PPP2R2A: variants seen among roughly 807,000 people sequenced by gnomAD.
PPP2R2A encodes the protein serine/threonine-protein phosphatase 2A 55 kDa regulatory subunit B alpha isoform.
PPP2R2A carries 9 observed loss-of-function variants against 53.2 expected under a neutral mutation model. The ratio of observed to expected loss-of-function variants is 0.17; its 90% confidence interval spans 0.10 to 0.30. PPP2R2A has a LOEUF of 0.30. PPP2R2A is among the 10% of genes least tolerant of loss of function. The pLI is 1.00. For synonymous variants in PPP2R2A, 169 were observed against 174.2 expected, an observed-to-expected ratio of 0.97 and a Z score of 0.23; for missense variants, 235 against 534.6, an observed-to-expected ratio of 0.44 and a Z score of 5.53.
At chr8:26,342,112 A>G (rs1803971901) in intron 3 of PPP2R2A, among the ~76,000 whole-genome samples, 1 of 152,194 alleles carries the variant, frequency 6.6e-6, no homozygotes, top group Non-Finnish European at 1.5e-5. Flanking sequence ...TATAACTAAT[A>G]TATTTGTATA....
intron 7 of PPP2R2A, 48 bp from the exon 8 acceptor site, chr8:26,363,673 G>T: frequency 1.4e-6 from 2 of 1,415,856 alleles, no homozygotes; most frequent in Non-Finnish European, 1.9e-6. Flanking sequence ...GTCCAAGCCA[G>T]AATATTGTAC....
chr8:26,356,252 A>T (rs3808569), intron 4 of PPP2R2A, among the ~76,000 whole-genome samples: 22,966 of 152,150 alleles, frequency 0.15, 2,003 homozygotes, highest in East Asian at 0.43. Flanking sequence ...CATCTAATTG[A>T]TGCCCCTCGT....
intron 3 of PPP2R2A, among the ~76,000 whole-genome samples, chr8:26,339,425 CATA>C (rs1251856503): frequency 1.3e-5 from 2 of 152,090 alleles, no homozygotes; most frequent in African/African-American, 4.8e-5. Context: ...GATGTCAGTT[CATA>C]ATAATACTGT....
At chr8:26,363,035 G>GGGGGC (rs1318938675) in intron 7 of PPP2R2A, 187 bp downstream of exon 7, 1 of 561,268 alleles carries the variant, frequency 1.8e-6, no homozygotes, top group Non-Finnish European at 3.1e-6. Flanking sequence ...AGCTCTCTTG[G>GGGGGC]GGGGCATGTC....
rs1427527078 is a variant in PPP2R2A at position 26,370,140 on chromosome 8, C to T, written c.1071C>T (p.Val357=). The T allele has an allele frequency of 1.9e-6, 3 of 1,613,746 alleles. No homozygotes were observed. Among genetic ancestry groups the T allele is most frequent in the Admixed American group, 1.7e-5 (1 of 60,012 alleles). Residue 357 remains valine, a synonymous_variant, in exon 10 of 10, where the codon GTC becomes GTT. Transcript: ENST00000380737. This position sits in a 1 kb window ranked among gnomAD's most constrained non-coding sequence, Gnocchi z 6.1. Reference sequence around the variant, plus strand: ...GTACTGTCTATTTTCACAGTGTTGTCATGACTGGATCTTACAATAATTTCT... The same window carrying T: ...GTACTGTCTATTTTCACAGTGTTGTTATGACTGGATCTTACAATAATTTCT... ...ECCWNGSDSV[V]MTGSYNNFFR... is the part of the protein sequence containing the mutation.
At chr8:26,293,370 G>A in intron 1 of PPP2R2A, 2 of 1,171,596 alleles carry the variant, frequency 1.7e-6, no homozygotes, top group South Asian at 1.4e-5. Flanking sequence ...TTTTCTGGTA[G>A]GTCTTGCCTG....
At chr8:26,297,360 G>A (rs1215254378) in intron 2 of PPP2R2A, among the ~76,000 whole-genome samples, 2 of 151,938 alleles carry the variant, frequency 1.3e-5, no homozygotes, top group African/African-American at 4.8e-5. Flanking sequence ...CACCTGCCTC[G>A]GCCTCCCAAA....
chr8:26,351,074 G>T (rs887003893), intron 3 of PPP2R2A, among the ~76,000 whole-genome samples: 4 of 151,978 alleles, frequency 2.6e-5, no homozygotes, highest in East Asian at 1.9e-4. Context: ...TCATTTTTTT[G>T]AATAGTATAT....
chr8:26,369,063 G>T (rs1469337839), intron 9 of PPP2R2A, among the ~76,000 whole-genome samples: 1 of 149,204 alleles, frequency 6.7e-6, no homozygotes, highest in African/African-American at 2.5e-5. Context: ...AGCCGAGATC[G>T]CACCACTGCA....
chr8:26,328,507 T>G (rs1034758571), intron 2 of PPP2R2A, among the ~76,000 whole-genome samples: 1 of 152,216 alleles, frequency 6.6e-6, no homozygotes, highest in African/African-American at 2.4e-5. Context: ...CCATCTATTA[T>G]CAAAGTTTCC....
At chr8:26,340,530 G>A (rs183712591) in intron 3 of PPP2R2A, among the ~76,000 whole-genome samples, 1 of 152,112 alleles carries the variant, frequency 6.6e-6, no homozygotes, top group African/African-American at 2.4e-5. Context: ...TTTTGCCCTA[G>A]GCTTAACATT....
chr8:26,291,555 T>TGCC lies in PPP2R2A; in HGVS notation c.-254_-252dup, dbSNP rs951566394. ...AAGTGGAGTCGCCTGCCCCTGCCGC[T>TGCC]GCCGCCGCCGCCGTCGCTGTCGTAG... On this transcript the variant is annotated 5_prime_UTR_variant, in exon 1 of 10. Coordinates refer to ENST00000380737, the MANE Select transcript of PPP2R2A (RefSeq NM_002717.4). 23 of 501,974 alleles carry TGCC rather than the reference T, an allele frequency of 4.6e-5. No individual in the cohort carries two copies. The highest frequency in any genetic ancestry group is 5.3e-4 in the Middle Eastern group (1 of 1,882). The allele number at this position is 501,974 out of a possible 1,614,324, so 31.1% of individuals were successfully genotyped here. A position where few individuals can be genotyped will look rare whatever the true frequency, so the allele number is the denominator to read the frequency against.
chr8:26,362,490 G>A lies in PPP2R2A; in HGVS notation c.638-194G>A, dbSNP rs1488195613. ...ACTGCACTCCAGCCTGGGTGACAGA[G>A]TGAAACTCCGTCTAAATAAAAATTA... On this transcript the variant is annotated intron_variant, in intron 6 of 9. Transcript: ENST00000380737. This position sits in a 1 kb window ranked among gnomAD's most constrained non-coding sequence, Gnocchi z 4.4. 6.6e-6 allele frequency among the ~76,000 whole-genome samples: 1 copy of A among 152,024 alleles called. No individual in the cohort carries two copies. The highest frequency in any genetic ancestry group is 1.5e-5 in the Non-Finnish European group (1 of 68,016).
At chr8:26,366,931 A>G (rs887052214) in intron 9 of PPP2R2A, among the ~76,000 whole-genome samples, 1 of 152,088 alleles carries the variant, frequency 6.6e-6, no homozygotes, top group Non-Finnish European at 1.5e-5. Context: ...CCTTTTTCGT[A>G]TTCATTTTTA....
chr8:26,313,538 G>A (rs949378269), intron 2 of PPP2R2A, among the ~76,000 whole-genome samples: 8 of 152,178 alleles, frequency 5.3e-5, no homozygotes, highest in African/African-American at 4.8e-5. Flanking sequence ...AGAAATCTGC[G>A]TCCTAATCTC....
At chr8:26,329,824 T>C (rs1803277830) in intron 2 of PPP2R2A, among the ~76,000 whole-genome samples, 1 of 152,218 alleles carries the variant, frequency 6.6e-6, no homozygotes, top group South Asian at 2.1e-4. Flanking sequence ...TACTTTGAAA[T>C]GTTGGGATTT....
intron 1 of PPP2R2A, chr8:26,293,287 G>A (rs1158212975): frequency 6.5e-7 from 1 of 1,531,708 alleles, no homozygotes; most frequent in East Asian, 2.4e-5. Flanking sequence ...TTTCATGGTA[G>A]TTTAACCTTA....
chr8:26,312,623 T>C (rs149786973), intron 2 of PPP2R2A, among the ~76,000 whole-genome samples: 3 of 152,342 alleles, frequency 2.0e-5, no homozygotes, highest in African/African-American at 7.2e-5. Context: ...AAGAGCAGAT[T>C]GCATCATACT....
At position 26,360,083 on chromosome 8, in the gene PPP2R2A, G is replaced by A. The variant is rs1318535122; in HGVS notation, c.347-86G>A. 5 of 606,746 alleles carry A rather than the reference G, an allele frequency of 8.2e-6. No individual in the cohort carries two copies. The highest frequency in any genetic ancestry group is 1.1e-5 in the Non-Finnish European group (4 of 370,378). 37.6% of individuals were successfully genotyped at this position (606,746 alleles called of 1,614,324 possible). Reference sequence around the variant, plus strand: ...TTTTTTTTTCGTGGAATCCTTTTACGTGAAATGTGAAATAGCATATTTTAA... The same window carrying A: ...TTTTTTTTTCGTGGAATCCTTTTACATGAAATGTGAAATAGCATATTTTAA... On this transcript the variant is annotated intron_variant, in intron 4 of 9. Transcript: ENST00000380737. This position sits in a 1 kb window ranked among gnomAD's most constrained non-coding sequence, Gnocchi z 4.5.
Sources: allele counts gnomAD v4.1 joint callset (sites outside exome capture counted in the v4.1 genomes callset), GRCh38; gene constraint gnomAD v4.1.1; non-coding constraint Gnocchi (gnomAD v3.1); transcripts MANE v1.5; gene names NCBI Gene and HGNC (gene_info 2026-07-23, HGNC 2026-07-21).